ROBO2: variants seen among roughly 807,000 people sequenced by gnomAD.
ROBO2 encodes roundabout guidance receptor 2.
A neutral mutation model predicts 160.8 loss-of-function variants in ROBO2; 53 were observed. The ratio of observed to expected loss-of-function variants is 0.33; its 90% CI spans 0.26 to 0.41. ROBO2 has a LOEUF of 0.41. Ranked by LOEUF, ROBO2 falls within the 10% of genes least tolerant of loss-of-function variation. ROBO2 has a pLI of 1.00. For synonymous variants in ROBO2, 664 were observed against 611.7 expected, an observed-to-expected ratio of 1.09 and a Z score of -1.26; for missense variants, 1,577 against 1,722.4, an observed-to-expected ratio of 0.92 and a Z score of 1.49.
intron 2 of ROBO2, among the ~76,000 whole-genome samples, chr3:76,730,208 A>C (rs1576287412): frequency 3.8e-5 from 3 of 79,074 alleles, no homozygotes; most frequent in Admixed American, 2.8e-4. Flanking sequence ...GCTTGTCCTC[A>C]CCTCCTACTC....
At chr3:77,089,642 T>G (rs1420185223) in intron 1 of ROBO2, among the ~76,000 whole-genome samples, 2 of 152,212 alleles carry the variant, frequency 1.3e-5, no homozygotes, top group Non-Finnish European at 2.9e-5. Context: ...TCTTATAAAT[T>G]TATTTAGGCC....
At chr3:76,229,464 T>C (rs1331122990) in intron 2 of ROBO2, among the ~76,000 whole-genome samples, 1 of 152,148 alleles carries the variant, frequency 6.6e-6, no homozygotes, top group Non-Finnish European at 1.5e-5. Context: ...TCATTCCTTT[T>C]TGGATTACAT....
intron 2 of ROBO2, among the ~76,000 whole-genome samples, chr3:76,715,906 T>G (rs1175995014): frequency 6.6e-6 from 1 of 152,160 alleles, no homozygotes; most frequent in Non-Finnish European, 1.5e-5. Flanking sequence ...GACACATATA[T>G]TCACAATGAA....
intron 7 of ROBO2, among the ~76,000 whole-genome samples, chr3:77,547,480 GA>G (rs968799670): frequency 2.6e-4 from 39 of 152,200 alleles, no homozygotes; most frequent in African/African-American, 8.9e-4. Context: ...CCAGAGATGG[GA>G]AATGTAAGTT....
intron 1 of ROBO2, among the ~76,000 whole-genome samples, chr3:75,928,112 G>A (rs1947364212): frequency 1.3e-5 from 2 of 151,426 alleles, no homozygotes; most frequent in Admixed American, 6.6e-5. Flanking sequence ...AGCCTCCCGA[G>A]TAGCTGGGAT....
intron 2 of ROBO2, among the ~76,000 whole-genome samples, chr3:76,622,489 TA>T (rs1380655953): frequency 6.6e-6 from 1 of 152,020 alleles, no homozygotes; most frequent in East Asian, 1.9e-4. Context: ...TATTCTATCT[TA>T]TTGTTCTATT....
chr3:76,317,942 T>TA (rs2072180832), intron 2 of ROBO2, among the ~76,000 whole-genome samples: 1 of 152,092 alleles, frequency 6.6e-6, no homozygotes, highest in Non-Finnish European at 1.5e-5. Context: ...GAGTATTTTT[T>TA]ATCCATTGTC....
intron 2 of ROBO2, among the ~76,000 whole-genome samples, chr3:76,356,676 A>G (rs2075189355): frequency 6.6e-6 from 1 of 151,838 alleles, no homozygotes; most frequent in Non-Finnish European, 1.5e-5. Context: ...GAAAAAATGG[A>G]CATATCTACC....
chr3:76,006,501 T>C (rs1359061422), intron 2 of ROBO2, among the ~76,000 whole-genome samples: 2 of 152,192 alleles, frequency 1.3e-5, no homozygotes, highest in African/African-American at 4.8e-5. Context: ...AGTCAACTGA[T>C]TCATCTAGCT....
At chr3:76,697,570 C>A (rs1280254393) in intron 2 of ROBO2, among the ~76,000 whole-genome samples, 1 of 152,092 alleles carries the variant, frequency 6.6e-6, no homozygotes, top group African/African-American at 2.4e-5. Flanking sequence ...TCGCTTGAAC[C>A]TGCGATTTCT....
chr3:76,619,576 A>C (rs1185313537), intron 2 of ROBO2, among the ~76,000 whole-genome samples: 1 of 152,222 alleles, frequency 6.6e-6, no homozygotes, highest in Non-Finnish European at 1.5e-5. Context: ...AGGATATTAA[A>C]GTTATTGTCT....
intron 2 of ROBO2, among the ~76,000 whole-genome samples, chr3:76,362,121 TTGGGAGGCCAAGG>T (rs1288271119): frequency 3.9e-5 from 6 of 152,092 alleles, no homozygotes; most frequent in African/African-American, 1.2e-4. Flanking sequence ...TCTTAACACT[TTGGGAGGCCAAGG>T]TGGGAGGATC....
At chr3:77,163,824 A>T (rs924597655) in intron 2 of ROBO2, among the ~76,000 whole-genome samples, 3 of 152,194 alleles carry the variant, frequency 2.0e-5, no homozygotes, top group African/African-American at 7.2e-5. Context: ...TTTTAAAAAA[A>T]AATCTATATT....
At chr3:76,118,915 G>A (rs2070596701) in intron 2 of ROBO2, among the ~76,000 whole-genome samples, 1 of 152,076 alleles carries the variant, frequency 6.6e-6, no homozygotes, top group Admixed American at 6.6e-5. Flanking sequence ...GAATGTCAGG[G>A]CTCTTGGCTC....
At chr3:77,300,744 TAATG>T (rs2062582350) in intron 2 of ROBO2, among the ~76,000 whole-genome samples, 1 of 152,098 alleles carries the variant, frequency 6.6e-6, no homozygotes, top group African/African-American at 2.4e-5. Context: ...ACATTTCTGA[TAATG>T]AATGTCTCTA....
At chr3:76,649,991 A>C (rs886453988) in intron 2 of ROBO2, among the ~76,000 whole-genome samples, 6 of 152,186 alleles carry the variant, frequency 3.9e-5, no homozygotes, top group Non-Finnish European at 7.4e-5. Context: ...AGGAATAAAA[A>C]GTCTTTTAGG....
At chr3:76,641,308 A>T (rs2090662928) in intron 2 of ROBO2, among the ~76,000 whole-genome samples, 1 of 152,194 alleles carries the variant, frequency 6.6e-6, no homozygotes, top group African/African-American at 2.4e-5. Flanking sequence ...ACCTTGAAAT[A>T]GCAATATCAG....
chr3:76,256,357 TAC>T lies in ROBO2; in HGVS notation c.109+318774_109+318775del, dbSNP rs746860395. Reference sequence around the variant, plus strand: ...TCTCTCTCTCTCTCTCTCTCTCACATACACACACACACACACACACGCAAGGT... The same window carrying T: ...TCTCTCTCTCTCTCTCTCTCTCACATACACACACACACACACACGCAAGGT... On this transcript the variant is annotated intron_variant, in intron 2 of 26. Transcript: ENST00000487694. Among the ~76,000 whole-genome samples the T allele has an allele frequency of 4.9e-3, 526 of 106,678 alleles. 7 individuals carry two copies. Among genetic ancestry groups the T allele is most frequent in the African/African-American group, 0.017 (484 of 28,018 alleles). 70.0% of individuals were successfully genotyped at this position (106,678 alleles called of 152,430 possible). A position where few individuals can be genotyped will look rare whatever the true frequency, so the allele number is the denominator to read the frequency against.
rs371266599 is a variant in ROBO2, at chr3:76,944,943, C to G, written c.110-153071C>G. 1.9e-4 allele frequency among the ~76,000 whole-genome samples: 29 copies of G among 151,656 alleles called. 2 individuals are homozygous for G. In the South Asian group the frequency reaches 5.9e-3, roughly 31 times the overall value. ...TCGCTCTGTTGCCCAGGCTGGAGTT[C>G]AGTGGCGCGATCTCAGCTCACTGCA... is the stretch of plus-strand genomic sequence containing the variant. On this transcript the variant is annotated intron_variant, in intron 2 of 26. Transcript: ENST00000487694.
Sources: allele counts gnomAD v4.1 joint callset (sites outside exome capture counted in the v4.1 genomes callset), GRCh38; gene constraint gnomAD v4.1.1; transcripts MANE v1.5; gene names NCBI Gene and HGNC (gene_info 2026-07-23, HGNC 2026-07-21).